Variants in DYRK1B observed in about 807,000 individuals in gnomAD.
DYRK1B encodes the protein dual specificity tyrosine phosphorylation regulated kinase 1B.
DYRK1B carries 20 observed loss-of-function variants against 57.1 expected under a neutral mutation model. That is an observed-to-expected ratio of 0.35 (90% CI 0.25 to 0.51). The LOEUF is 0.51. Among genes scored for constraint, DYRK1B ranks in the 20% least tolerant of loss-of-function variants. The pLI is 0.96. For synonymous variants in DYRK1B, 409 were observed against 384.7 expected (o/e 1.06, Z -0.74); for missense variants, 732 against 886.3 (o/e 0.83, Z 2.21).
At position 39,826,295 on chromosome 19, in the gene DYRK1B, G is replaced by T; in HGVS notation, c.1412-9C>A. On this transcript the variant is annotated splice_polypyrimidine_tract_variant and intron_variant, in intron 9 of 10. Transcript: ENST00000323039. This position sits in a 1 kb window ranked among gnomAD's most constrained non-coding sequence, Gnocchi z 6.3. The stretch of plus-strand genomic sequence containing the variant: ...GGAGCCACTGGAGCCTCCTGGAAGT[G>T]CCAGGGAGGAGAGGTGAAGGGGCAT... 6.4e-7 allele frequency: 1 copy of T among 1,562,858 alleles called. No homozygotes were observed. The highest frequency in any genetic ancestry group is 8.6e-7 in the Non-Finnish European group (1 of 1,159,250).
Position 39,827,370 on chromosome 19 carries a change from A to G in DYRK1B, c.1010T>C (p.Leu337Pro). 6.2e-7 allele frequency: 1 copy of G among 1,613,774 alleles called. No individual in the cohort carries two copies. Among genetic ancestry groups the G allele is most frequent in the Non-Finnish European group, 8.5e-7 (1 of 1,179,756 alleles). Residue 337 changes from leucine (L) to proline (P), a missense_variant, in exon 8 of 11, where the codon CTG becomes CCG. This residue lies in a region of DYRK1B where 510 missense variants were observed against 681.3 expected (regional missense o/e 0.75). Coordinates refer to ENST00000323039, the MANE Select transcript of DYRK1B (RefSeq NM_004714.3). ...CTTGCGAGCCTTGGGCGCCTGGTCCAGCATGGCGGCCGGTGGGATGCCCAG... is the reference window on the plus strand; with the variant it reads ...CTTGCGAGCCTTGGGCGCCTGGTCCGGCATGGCGGCCGGTGGGATGCCCAG... ...EVLGIPPAAM[L>P]DQAPKARKYF...
In DYRK1B at chr19:39,830,001, G is replaced by C. The variant is rs1445184207; in HGVS notation, c.399C>G (p.Thr133=). ...GQVVKAYDHQ[T]QELVAIKIIK... ...TGATCTTGATGGCCACAAGCTCCTG[G>C]GTCTGATGATCATAGGCTTTCACCA... Residue 133 remains threonine, a synonymous_variant, in exon 5 of 11, where the codon ACC becomes ACG. Coordinates refer to ENST00000323039, the MANE Select transcript of DYRK1B (RefSeq NM_004714.3). 1 of 1,614,066 alleles carries C rather than the reference G, an allele frequency of 6.2e-7. No individual in the cohort carries two copies. Among genetic ancestry groups the C allele is most frequent in the Non-Finnish European group, 8.5e-7 (1 of 1,180,006 alleles).
In DYRK1B at chr19:39,828,584, C is replaced by T. The variant is rs1483375912; in HGVS notation, c.521-1G>A. 2.5e-6 allele frequency: 4 copies of T among 1,604,140 alleles called. No homozygotes were observed. The highest frequency in any genetic ancestry group is 2.6e-6 in the Non-Finnish European group (3 of 1,172,384). On this transcript the variant is annotated splice_acceptor_variant, in intron 5 of 10. Transcript: ENST00000323039. LOFTEE classifies it high-confidence loss of function. The surrounding 1 kb of genome is among the most constrained non-coding windows in gnomAD (Gnocchi z 4.3). Reference sequence around the variant, plus strand: ...AACATGAAGTGCCGCTTCAGGTGTACTGCGGGGGAGGGGAGGAAATGGGCC... The same window carrying T: ...AACATGAAGTGCCGCTTCAGGTGTATTGCGGGGGAGGGGAGGAAATGGGCC...
Position 39,825,939 on chromosome 19 carries a change from T to G in DYRK1B, c.1666A>C (p.Thr556Pro), listed in dbSNP as rs771417583. ...ATCAGCTCCGGGGGTGGTGGTGAGG[T>G]TGGTGATGGGGGACGACCAAGGTAT... Reference protein sequence around the residue: ...PRYLGRPPSPTSPPPPELMDV... With the variant: ...PRYLGRPPSPPSPPPPELMDV... Residue 556 changes from threonine (T) to proline (P), a missense_variant, in exon 11 of 11, where the codon ACC becomes CCC. Around this residue, in one of 2 missense-constraint regions of DYRK1B, gnomAD observed 222 missense variants for 205.0 expected, o/e 1.08. Coordinates refer to ENST00000323039, the MANE Select transcript of DYRK1B (RefSeq NM_004714.3). The G allele has an allele frequency of 1.6e-5, 25 of 1,537,090 alleles. No individual in the cohort carries two copies. The Admixed American group carries it at 2.1e-4, about 13-fold the overall frequency.
chr19:39,827,650 G>A lies in DYRK1B; in HGVS notation c.814C>T (p.Gln272Ter). The change falls in exon 7 of 11, where the codon CAG becomes TAG. Residue 272 changes from glutamine to a stop codon, truncating the protein, a stop_gained. Coordinates refer to ENST00000323039, the MANE Select transcript of DYRK1B (RefSeq NM_004714.3). LOFTEE classifies it high-confidence loss of function. ...SSCQLGQRIY[Q>*]YIQSRFYRSP... is the part of the protein sequence containing the mutation. ...CGGTAGAAGCGGCTCTGGATATACT[G>A]GTAGATCTGGGAAAAGGGTAATCGT... 6.2e-7 allele frequency: 1 copy of A among 1,613,428 alleles called. No homozygotes were observed. The highest frequency in any genetic ancestry group is 1.1e-5 in the South Asian group (1 of 91,076).
chr19:39,826,193 A>T lies in DYRK1B; in HGVS notation c.1505T>A (p.Met502Lys). ...AAGCCCCATTACCTGGGGGCTGTTC[A>T]TCTCACAGTCTGTGATAGGGGGCCC... ...GPGPPITDCEMNSPQVPPSQP... is the reference protein window; with the variant it reads ...GPGPPITDCEKNSPQVPPSQP... Residue 502 changes from methionine to lysine, a missense_variant, in exon 10 of 11, where the codon ATG becomes AAG. Met to Lys is a moderately conservative substitution (Grantham distance 95). Transcript: ENST00000323039. The surrounding 1 kb of genome is among the most constrained non-coding windows in gnomAD (Gnocchi z 6.3). The T allele has an allele frequency of 6.2e-7, 1 of 1,602,632 alleles. No individual in the cohort carries two copies. Among genetic ancestry groups the T allele is most frequent in the Non-Finnish European group, 8.5e-7 (1 of 1,176,048 alleles).
chr19:39,825,848 TGCTGGGGGGCAGGC>T lies in DYRK1B; in HGVS notation c.1743_1756del (p.Ala583GlyfsTer20). On this transcript the variant is annotated frameshift_variant, in exon 11 of 11. Transcript: ENST00000323039. LOFTEE classifies it high-confidence loss of function. ...AGTCCGGAGGGCTGAGGCAGCCGGG[TGCTGGGGGGCAGGC>T]GCTGGGTGAGGTGGGGAGCAGTCAG... 2 of 1,607,918 alleles carry T rather than the reference TGCTGGGGGGCAGGC, an allele frequency of 1.2e-6. No homozygotes were observed. Among genetic ancestry groups the T allele is most frequent in the Non-Finnish European group, 8.5e-7 (1 of 1,177,834 alleles).
intron 4 of DYRK1B, 88 bp from the exon 5 acceptor site, chr19:39,830,115 C>A: frequency 6.6e-7 from 1 of 1,518,620 alleles, no homozygotes; most frequent in South Asian, 1.2e-5. Flanking sequence ...AGGAGACCCA[C>A]CAAGAACACT....
At position 39,828,451 on chromosome 19, in the gene DYRK1B, G is replaced by A. The variant is rs1355798133; in HGVS notation, c.653C>T (p.Ala218Val). The A allele has an allele frequency of 1.2e-6, 2 of 1,613,834 alleles. No homozygotes were observed. The highest frequency in any genetic ancestry group is 1.7e-6 in the Non-Finnish European group (2 of 1,179,902). Residue 218 changes from alanine (A) to valine (V), a missense_variant, in exon 6 of 11, where the codon GCG becomes GTG. Around this residue, in one of 2 missense-constraint regions of DYRK1B, gnomAD observed 510 missense variants for 681.3 expected, o/e 0.75. Coordinates refer to ENST00000323039, the MANE Select transcript of DYRK1B (RefSeq NM_004714.3). The surrounding 1 kb of genome is among the most constrained non-coding windows in gnomAD (Gnocchi z 4.3). The stretch of plus-strand genomic sequence containing the variant: ...GAGCAGTGCCGTGCAGAGCTGCTGC[G>A]CCAGCTTCCGGGTCAGGTTCAGCGA... The part of the protein sequence containing the change: ...GVSLNLTRKL[A>V]QQLCTALLFL...
rs181466649 is a variant in DYRK1B at position 39,829,295 on chromosome 19, C to T, written c.520+585G>A. Among the ~76,000 whole-genome samples the T allele has an allele frequency of 5.1e-3, 770 of 151,798 alleles. 4 individuals are homozygous for T. Among genetic ancestry groups the T allele is most frequent in the Non-Finnish European group, 8.8e-3 (598 of 67,892 alleles). On this transcript the variant is annotated intron_variant, in intron 5 of 10. Coordinates refer to ENST00000323039, the MANE Select transcript of DYRK1B (RefSeq NM_004714.3). ...AGGCTGGAGTGCAGTGGCGTGGTCC[C>T]AGCTCACTGTAACCTCCGCCTCCCA...
chr19:39,826,967 T>C lies in DYRK1B; in HGVS notation c.1116A>G (p.Thr372=). The C allele has an allele frequency of 8.6e-7, 1 of 1,164,338 alleles. No homozygotes were observed. Among genetic ancestry groups the C allele is most frequent in the Non-Finnish European group, 1.1e-6 (1 of 928,984 alleles). The allele number at this position is 1,164,338 out of a possible 1,614,324, so 72.1% of individuals were successfully genotyped here. ...ELRKDYQGPG[T]RRLQEVLGVQ... ...CGCCCAGCACCTCCTGCAGCCGCCG[T>C]GTCCCGGGGCCCTGGTAATCCTGGC... Residue 372 remains threonine, a synonymous_variant, in exon 9 of 11, where the codon ACA becomes ACG. Transcript: ENST00000323039. This position sits in a 1 kb window ranked among gnomAD's most constrained non-coding sequence, Gnocchi z 6.3.
chr19:39,830,059 G>A (rs1266023341), intron 4 of DYRK1B, 32 bp from the exon 5 acceptor site: 2 of 1,611,180 alleles, frequency 1.2e-6, no homozygotes, highest in Non-Finnish European at 1.7e-6. Context: ...CGAAGAAAGG[G>A]GTGGGAGCAG....
chr19:39,827,762 T>C (rs1599640135), intron 6 of DYRK1B, 106 bp from the exon 7 acceptor site: 1 of 1,395,670 alleles, frequency 7.2e-7, no homozygotes, highest in East Asian at 2.3e-5. Context: ...GCTGACAAAA[T>C]GGGGACTGAG....
Position 39,825,623 on chromosome 19 carries a change from T to C in DYRK1B, c.*92A>G, listed in dbSNP as rs898796611. ...ACCCACCCCAGCTGGGTAGCAGCAA[T>C]TCCAGTCAAGGAGAGAGATGAGGAT... is the stretch of plus-strand genomic sequence containing the variant. On this transcript the variant is annotated 3_prime_UTR_variant, in exon 11 of 11. Coordinates refer to ENST00000323039, the MANE Select transcript of DYRK1B (RefSeq NM_004714.3). 7.3e-6 allele frequency: 10 copies of C among 1,364,238 alleles called. No individual in the cohort carries two copies. The Admixed American group carries it at 1.8e-4, about 25-fold the overall frequency. The allele number at this position is 1,364,238 out of a possible 1,614,324, so 84.5% of individuals were successfully genotyped here.
At chr19:39,833,437 G>A (rs1049482587) in intron 1 of DYRK1B, 1 of 787,056 alleles carries the variant, frequency 1.3e-6, no homozygotes, top group African/African-American at 1.9e-5. Flanking sequence ...AGGCCCGGTG[G>A]GTGACAACAG....
rs766454633 is a variant in DYRK1B, at chr19:39,827,409, C to T, written c.971G>A (p.Arg324His). Residue 324 changes from arginine (R) to histidine (H), a missense_variant, in exon 8 of 11, where the codon CGC (arginine) becomes CAC (histidine). Around this residue, in one of 2 missense-constraint regions of DYRK1B, gnomAD observed 510 missense variants for 681.3 expected, o/e 0.75. Transcript: ENST00000323039. ...TGGGATGCCCAGCACCTCCACAATG[C>T]GGTTCATCTGGTCGACCTGTGAGCA... ...SGSNEVDQMN[R>H]IVEVLGIPPA... is the part of the protein sequence containing the mutation. 4.3e-6 allele frequency: 7 copies of T among 1,612,538 alleles called. No homozygotes were observed. Among genetic ancestry groups the T allele is most frequent in the African/African-American group, 4.0e-5 (3 of 75,006 alleles).
intron 2 of DYRK1B, among the ~76,000 whole-genome samples, chr19:39,831,303 C>A (rs1198487444): frequency 7.7e-6 from 1 of 129,452 alleles, no homozygotes; most frequent in Non-Finnish European, 1.6e-5. Flanking sequence ...CATGTCACTG[C>A]CTTCACTGCC....
At position 39,826,820 on chromosome 19, in the gene DYRK1B, G is replaced by C; in HGVS notation, c.1263C>G (p.Ser421Arg). The stretch of plus-strand genomic sequence containing the variant: ...AGCCGTGCTGCAGAGCCCCCAGGGG[G>C]CTGATGCGGGCGGCGGGCTCATACT... ...MLEYEPAARISPLGALQHGFF... is the reference protein window; with the variant it reads ...MLEYEPAARIRPLGALQHGFF... The change falls in exon 9 of 11, where the codon AGC becomes AGG. Residue 421 changes from serine (S) to arginine (R), a missense_variant. Physicochemically the swap from Ser to Arg is moderately radical, Grantham distance 110 (BLOSUM62 -1). This residue lies in a region of DYRK1B where 510 missense variants were observed against 681.3 expected (regional missense o/e 0.75). Transcript: ENST00000323039. The surrounding 1 kb of genome is among the most constrained non-coding windows in gnomAD (Gnocchi z 6.3). The C allele has an allele frequency of 6.6e-7, 1 of 1,504,772 alleles. No homozygotes were observed. The highest frequency in any genetic ancestry group is 8.9e-7 in the Non-Finnish European group (1 of 1,128,578). The allele number at this position is 1,504,772 out of a possible 1,614,324, so 93.2% of individuals were successfully genotyped here. A position where few individuals can be genotyped will look rare whatever the true frequency, so the allele number is the denominator to read the frequency against.
chr19:39,833,381 T>C (rs2145043522), intron 1 of DYRK1B: 1 of 984,138 alleles, frequency 1.0e-6, no homozygotes, highest in African/African-American at 1.7e-5. Context: ...CGACCGCCTG[T>C]CTCTGGCCCG....
Sources: gnomAD v4.1 joint callset for allele counts (sites outside exome capture counted in the v4.1 genomes callset) on GRCh38, gnomAD v4.1.1 for gene constraint, gnomAD v4.1.1 regional missense constraint, Gnocchi (gnomAD v3.1) non-coding constraint, MANE v1.5 for transcripts, NCBI Gene and HGNC (gene_info 2026-07-23, HGNC 2026-07-21) for gene names.